Variants in ELL observed in about 807,000 individuals in gnomAD.
ELL encodes RNA polymerase II elongation factor ELL.
Under a neutral mutation model 64.0 loss-of-function variants are expected in ELL, and 18 were observed. The ratio of observed to expected loss-of-function variants is 0.28; its 90% CI spans 0.19 to 0.42. The LOEUF is 0.42. Ranked by LOEUF, ELL falls within the 10% of genes least tolerant of loss-of-function variation. The probability of loss-of-function intolerance (pLI) is 1.00; values close to 1 mark genes in which losing one functional copy is unlikely to be tolerated. For missense variants in ELL, 797 were observed against 870.4 expected, an observed-to-expected ratio of 0.92 and a Z score of 1.06; for synonymous variants, 399 against 376.2, an observed-to-expected ratio of 1.06 and a Z score of -0.70.
chr19:18,480,151 G>A (rs528438380), intron 1 of ELL, among the ~76,000 whole-genome samples: 136 of 152,344 alleles, frequency 8.9e-4, no homozygotes, highest in Admixed American at 9.1e-4. Flanking sequence ...AAGCCACGGC[G>A]TGTGGTCCAG....
At chr19:18,455,141 CAAA>C (rs34585634) in intron 6 of ELL, among the ~76,000 whole-genome samples, 11 of 107,946 alleles carry the variant, frequency 1.0e-4, no homozygotes, top group Admixed American at 3.0e-4. Flanking sequence ...AGTCCCTCTC[CAAA>C]AAAAAAAAAA....
At chr19:18,485,112 G>C (rs1232467629) in intron 1 of ELL, among the ~76,000 whole-genome samples, 4 of 152,164 alleles carry the variant, frequency 2.6e-5, no homozygotes, top group African/African-American at 4.8e-5. Flanking sequence ...TGGGGGTTGG[G>C]TCCCTGAGAA....
intron 2 of ELL, among the ~76,000 whole-genome samples, chr19:18,470,752 G>A (rs1975047529): frequency 6.6e-6 from 1 of 152,190 alleles, no homozygotes; most frequent in Non-Finnish European, 1.5e-5. Context: ...ATCAGCCCAA[G>A]GCCTTAAGAG....
In ELL at chr19:18,522,008, C is replaced by G; in HGVS notation, c.48G>C (p.Arg16=). 1 of 1,611,374 alleles carries G rather than the reference C, an allele frequency of 6.2e-7. No homozygotes were observed. The highest frequency in any genetic ancestry group is 8.5e-7 in the Non-Finnish European group (1 of 1,178,802). ...EDRSYGLSCG[R]VSDGSKVSVF... is the part of the protein sequence containing the mutation. Reference sequence around the variant, plus strand: ...CCGACACCTTGCTGCCGTCGCTAACCCGCCCGCACGACAGCCCGTAGCTCC... The same window carrying G: ...CCGACACCTTGCTGCCGTCGCTAACGCGCCCGCACGACAGCCCGTAGCTCC... Residue 16 remains arginine (R), a synonymous_variant, in exon 1 of 12, where the codon CGG becomes CGC. Coordinates refer to ENST00000262809, the MANE Select transcript of ELL (RefSeq NM_006532.4).
chr19:18,453,400 G>A (rs903794286), intron 6 of ELL, among the ~76,000 whole-genome samples: 1 of 152,216 alleles, frequency 6.6e-6, no homozygotes, highest in African/African-American at 2.4e-5. Context: ...GATGCTCAAT[G>A]CCATGTGTCA....
Position 18,461,858 on chromosome 19 carries a change from A to G in ELL, c.470-6T>C, listed in dbSNP as rs1237965956. ...CCGAAACTGAACCTTCTTGCCTGCA[A>G]CAAGAATCCAAGCTTTAGGGAACAG... On this transcript the variant is annotated splice_region_variant and splice_polypyrimidine_tract_variant and intron_variant, in intron 4 of 11. Coordinates refer to ENST00000262809, the MANE Select transcript of ELL (RefSeq NM_006532.4). 3 of 1,609,260 alleles carry G rather than the reference A, an allele frequency of 1.9e-6. No homozygotes were observed. The East Asian group carries it at 6.7e-5, about 36-fold the overall frequency.
intron 1 of ELL, among the ~76,000 whole-genome samples, chr19:18,491,556 G>A (rs1173683821): frequency 3.3e-5 from 5 of 152,086 alleles, no homozygotes. Context: ...TCTCCAGCCT[G>A]CCGTCCTGCC....
intron 1 of ELL, among the ~76,000 whole-genome samples, chr19:18,519,090 C>T (rs147568152): frequency 6.6e-6 from 1 of 151,834 alleles, no homozygotes; most frequent in East Asian, 1.9e-4. Context: ...AGGCCGGGCA[C>T]GGTTGGTCAC....
At chr19:18,489,397 G>A (rs527303321) in intron 1 of ELL, among the ~76,000 whole-genome samples, 7 of 152,248 alleles carry the variant, frequency 4.6e-5, no homozygotes, top group South Asian at 2.1e-4. Flanking sequence ...TGGCCGCCCC[G>A]GGTGCTCCCA....
intron 2 of ELL, among the ~76,000 whole-genome samples, chr19:18,470,435 T>C (rs1975041373): frequency 6.6e-6 from 1 of 152,216 alleles, no homozygotes; most frequent in Admixed American, 6.5e-5. Context: ...CAGAGGGCAC[T>C]GTGGGGCTGC....
intron 6 of ELL, among the ~76,000 whole-genome samples, chr19:18,456,729 T>G (rs1277076724): frequency 6.6e-6 from 1 of 151,300 alleles, no homozygotes; most frequent in Non-Finnish European, 1.5e-5. Flanking sequence ...AGAACATGAG[T>G]GGAGAAACCA....
In ELL at chr19:18,450,698, T is replaced by C; in HGVS notation, c.1244A>G (p.Glu415Gly). 2 of 1,585,476 alleles carry C rather than the reference T, an allele frequency of 1.3e-6. No homozygotes were observed. Reference protein sequence around the residue: ...GHSGRDCEHGEAAAPAPTVRL... With the variant: ...GHSGRDCEHGGAAAPAPTVRL... ...CACAGTGGGGGCTGGGGCAGCCGCC[T>C]CTCCGTGCTCACAGTCTCGGCCGCT... The change falls in exon 8 of 12, where the codon GAG (glutamate) becomes GGG (glycine). Residue 415 changes from glutamate to glycine, a missense_variant. By Grantham distance (98) the Glu-to-Gly change is moderately conservative (BLOSUM62 -2). Transcript: ENST00000262809.
intron 2 of ELL, among the ~76,000 whole-genome samples, chr19:18,472,088 G>A (rs1344140299): frequency 6.6e-6 from 1 of 151,886 alleles, no homozygotes; most frequent in East Asian, 1.9e-4. Context: ...TCAGCCTCCT[G>A]AGTAGCTAAG....
At position 18,443,283 on chromosome 19, in the gene ELL, C is replaced by T. The variant is rs1372880050; in HGVS notation, c.*1469G>A. Reference sequence around the variant, plus strand: ...CTCGGAGCTCTGGGAACCCGGGGGTCCCAAAGGAGAGAGACTCTCGGGCAG... The same window carrying T: ...CTCGGAGCTCTGGGAACCCGGGGGTTCCAAAGGAGAGAGACTCTCGGGCAG... On this transcript the variant is annotated 3_prime_UTR_variant, in exon 12 of 12. Transcript: ENST00000262809. 4 of 233,208 alleles carry T rather than the reference C, an allele frequency of 1.7e-5. No homozygotes were observed. Among genetic ancestry groups the T allele is most frequent in the African/African-American group, 8.8e-5 (4 of 45,422 alleles). The allele number at this position is 233,208 out of a possible 1,614,324, so 14.4% of individuals were successfully genotyped here. A position where few individuals can be genotyped will look rare whatever the true frequency, so the allele number is the denominator to read the frequency against.
At chr19:18,447,136 G>A (rs1974433347) in intron 8 of ELL, among the ~76,000 whole-genome samples, 1 of 152,204 alleles carries the variant, frequency 6.6e-6, no homozygotes, top group Non-Finnish European at 1.5e-5. Context: ...GACAGGTCAG[G>A]GAACTGCAGG....
chr19:18,461,595 C>G lies in ELL; in HGVS notation c.727G>C (p.Asp243His). ...GLTQADKDAL[D>H]GLLQQVANMS... ...GCACCCACCTGCTGGAGGAGGCCAT[C>G]CAGCGCGTCCTTGTCCGCCTGCGTC... is the stretch of plus-strand genomic sequence containing the variant. Residue 243 changes from aspartate to histidine, a missense_variant, in exon 5 of 12, where the codon GAT becomes CAT. Physicochemically the swap from Asp to His is moderately conservative, Grantham distance 81 (BLOSUM62 -1). Transcript: ENST00000262809. 2 of 1,602,142 alleles carry G rather than the reference C, an allele frequency of 1.2e-6. No homozygotes were observed. The highest frequency in any genetic ancestry group is 1.7e-6 in the Non-Finnish European group (2 of 1,177,864).
intron 1 of ELL, among the ~76,000 whole-genome samples, chr19:18,520,624 C>T (rs746400259): frequency 6.6e-6 from 1 of 151,986 alleles, no homozygotes; most frequent in African/African-American, 2.4e-5. Context: ...AAGAAATTCT[C>T]GGCTTAGCTA....
intron 1 of ELL, among the ~76,000 whole-genome samples, chr19:18,509,115 G>A (rs1358664827): frequency 6.6e-6 from 1 of 152,000 alleles, no homozygotes; most frequent in Admixed American, 6.6e-5. Flanking sequence ...TCAAGATCTC[G>A]GGAATAATAT....
At chr19:18,469,394 C>T (rs1329376641) in intron 2 of ELL, among the ~76,000 whole-genome samples, 1 of 152,226 alleles carries the variant, frequency 6.6e-6, no homozygotes, top group African/African-American at 2.4e-5. Context: ...GGGAGCAGCC[C>T]AGGAATGCGG....
Sources: gnomAD v4.1 joint callset for allele counts (sites outside exome capture counted in the v4.1 genomes callset) on GRCh38, gnomAD v4.1.1 for gene constraint, MANE v1.5 for transcripts, NCBI Gene and HGNC (gene_info 2026-07-23, HGNC 2026-07-21) for gene names.